DLGAP1: variants seen among roughly 807,000 people sequenced by gnomAD.
The protein encoded by DLGAP1 is disks large-associated protein 1.
A neutral mutation model predicts 90.8 loss-of-function variants in DLGAP1; 11 were observed. The ratio of observed to expected loss-of-function variants is 0.12; its 90% CI spans 0.08 to 0.20. The LOEUF is 0.20. DLGAP1 is among the 10% of genes least tolerant of loss of function. The pLI, the probability that DLGAP1 is intolerant of heterozygous loss-of-function variation, is 1.00. For synonymous variants in DLGAP1, 558 were observed against 540.7 expected (o/e 1.03, Z -0.44); for missense variants, 1,050 against 1,333.8 (o/e 0.79, Z 3.31).
At chr18:3,548,866 C>T (rs1225696576) in intron 9 of DLGAP1, among the ~76,000 whole-genome samples, 1 of 151,952 alleles carries the variant, frequency 6.6e-6, no homozygotes, top group Non-Finnish European at 1.5e-5. Flanking sequence ...GCGAAACCCC[C>T]TCTCTACTAA....
At chr18:3,907,881 A>T (rs935259598) in intron 3 of DLGAP1, among the ~76,000 whole-genome samples, 3 of 152,228 alleles carry the variant, frequency 2.0e-5, no homozygotes, top group Non-Finnish European at 4.4e-5. Context: ...AGCAGGATGG[A>T]AGAATATTCA....
At position 4,354,887 on chromosome 18, in the gene DLGAP1, C is replaced by CAAAAAAA. The variant is rs60379984; in HGVS notation, c.-267+100112_-267+100118dup. The stretch of plus-strand genomic sequence containing the variant: ...TGGCTTTTTCTGCAATTACTCTCAC[C>CAAAAAAA]AAAAAAAAAAAAAAAAAAAAAAAAA... On this transcript the variant is annotated intron_variant, in intron 1 of 12. Transcript: ENST00000315677. Among the ~76,000 whole-genome samples the CAAAAAAA allele has an allele frequency of 1.7e-3, 40 of 23,872 alleles. 12 individuals carry two copies. The highest frequency in any genetic ancestry group is 7.9e-3 in the East Asian group (4 of 506). The allele number at this position is 23,872 out of a possible 152,430, so 15.7% of individuals were successfully genotyped here.
chr18:3,848,333 T>G (rs903552157), intron 4 of DLGAP1, among the ~76,000 whole-genome samples: 2 of 151,806 alleles, frequency 1.3e-5, no homozygotes, highest in South Asian at 4.2e-4. Context: ...AATATCAAAC[T>G]CTCACACTTT....
intron 3 of DLGAP1, among the ~76,000 whole-genome samples, chr18:3,910,412 G>A (rs1239072629): frequency 6.6e-6 from 1 of 152,110 alleles, no homozygotes; most frequent in Admixed American, 6.5e-5. Context: ...AAAGCATGGA[G>A]AGTGATGTCT....
chr18:4,010,325 G>C (rs2074391418), intron 2 of DLGAP1, among the ~76,000 whole-genome samples: 1 of 151,950 alleles, frequency 6.6e-6, no homozygotes, highest in African/African-American at 2.4e-5. Flanking sequence ...CAGGAGGATT[G>C]CTAGAGCGTA....
chr18:4,045,192 G>A (rs76734228), intron 2 of DLGAP1, among the ~76,000 whole-genome samples: 19,887 of 151,478 alleles, frequency 0.13, 1,684 homozygotes, highest in African/African-American at 0.24. Flanking sequence ...ACTGTCCCTC[G>A]ACTTTCACCT....
At chr18:3,865,716 G>C (rs12968217) in intron 4 of DLGAP1, among the ~76,000 whole-genome samples, 147,897 of 152,310 alleles carry the variant, frequency 0.97, 71,844 homozygotes, top group East Asian at 1. Context: ...CACTTACTAG[G>C]AGAATAATCT....
intron 5 of DLGAP1, among the ~76,000 whole-genome samples, chr18:3,789,805 G>A (rs1471671434): frequency 6.6e-6 from 1 of 152,164 alleles, no homozygotes; most frequent in Non-Finnish European, 1.5e-5. Flanking sequence ...AAGAGTTAAT[G>A]AGAAATATCA....
At chr18:3,883,170 G>A (rs2071223763) in intron 3 of DLGAP1, among the ~76,000 whole-genome samples, 1 of 152,328 alleles carries the variant, frequency 6.6e-6, no homozygotes, top group South Asian at 2.1e-4. Context: ...CTTGAATCCA[G>A]GAGGCGGAGG....
At chr18:4,131,370 T>C (rs1348856055) in intron 2 of DLGAP1, among the ~76,000 whole-genome samples, 1 of 152,178 alleles carries the variant, frequency 6.6e-6, no homozygotes, top group African/African-American at 2.4e-5. Context: ...AAGTAAAACA[T>C]GCGAAGAACT....
chr18:4,316,831 A>C (rs1406129934), intron 1 of DLGAP1, among the ~76,000 whole-genome samples: 2 of 152,046 alleles, frequency 1.3e-5, no homozygotes, highest in Non-Finnish European at 2.9e-5. Context: ...TGGCCACTAG[A>C]TTTATAATTT....
intron 1 of DLGAP1, among the ~76,000 whole-genome samples, chr18:4,420,544 T>C (rs771912299): frequency 4.6e-5 from 7 of 152,016 alleles, no homozygotes; most frequent in Non-Finnish European, 1.0e-4. Flanking sequence ...GGTCAGTCAA[T>C]GGGTCCCTGA....
intron 1 of DLGAP1, among the ~76,000 whole-genome samples, chr18:4,425,738 C>T (rs1056544864): frequency 6.6e-6 from 1 of 152,132 alleles, no homozygotes; most frequent in South Asian, 2.1e-4. Flanking sequence ...ATTTAAACTA[C>T]AGGATAGACT....
chr18:4,432,589 A>AGTGTGTGTGTGTGTAT (rs2083309255), intron 1 of DLGAP1, among the ~76,000 whole-genome samples: 1 of 111,394 alleles, frequency 9.0e-6, no homozygotes, highest in African/African-American at 3.1e-5. Flanking sequence ...CACCTCACAT[A>AGTGTGTGTGTGTGTAT]GTGTGTGTGT....
intron 1 of DLGAP1, among the ~76,000 whole-genome samples, chr18:4,269,712 A>G (rs975387897): frequency 2.0e-5 from 3 of 152,032 alleles, no homozygotes; most frequent in African/African-American, 7.2e-5. Flanking sequence ...AGGGCCATTG[A>G]CATAGTCTAT....
chr18:4,092,089 G>A (rs147045965), intron 2 of DLGAP1, among the ~76,000 whole-genome samples: 1 of 152,138 alleles, frequency 6.6e-6, no homozygotes, highest in African/African-American at 2.4e-5. Context: ...TATTGCTATG[G>A]TTAACCTCAG....
chr18:3,665,324 G>A (rs2059840633), intron 7 of DLGAP1, among the ~76,000 whole-genome samples: 1 of 145,552 alleles, frequency 6.9e-6, no homozygotes, highest in African/African-American at 2.6e-5. Context: ...CCTTAGTGCT[G>A]TTAGGAAAAT....
chr18:4,206,458 C>G (rs1004157529), intron 1 of DLGAP1, among the ~76,000 whole-genome samples: 5 of 152,104 alleles, frequency 3.3e-5, no homozygotes, highest in African/African-American at 1.2e-4. Flanking sequence ...GAAGTGGCTG[C>G]TCTTCCCTGA....
chr18:4,366,258 A>G (rs909929405), intron 1 of DLGAP1, among the ~76,000 whole-genome samples: 1 of 152,146 alleles, frequency 6.6e-6, no homozygotes, highest in Non-Finnish European at 1.5e-5. Flanking sequence ...GTGTAAATAA[A>G]TCTATGTTAA....
Sources: allele counts gnomAD v4.1 joint callset (sites outside exome capture counted in the v4.1 genomes callset), GRCh38; gene constraint gnomAD v4.1.1; transcripts MANE v1.5; gene names NCBI Gene and HGNC (gene_info 2026-07-23, HGNC 2026-07-21).